ZNF227: variants seen among roughly 807,000 people sequenced by gnomAD.
The protein encoded by ZNF227 is zinc finger protein 227.
In ZNF227, 12 loss-of-function variants were observed where a neutral mutation model predicts 13.2. The observed-to-expected ratio is 0.91, with a 90% CI of 0.58 to 1.47. ZNF227 has a LOEUF of 1.47. Among genes scored for constraint, ZNF227 ranks in the 40% most tolerant of loss-of-function variants. ZNF227 has a pLI of 0.00. For missense variants in ZNF227, 885 were observed against 967.5 expected (o/e 0.91, Z 1.13); for synonymous variants, 338 against 326.0 (o/e 1.04, Z -0.40).
upstream of ZNF227, among the ~76,000 whole-genome samples, chr19:44,208,360 C>T (rs998561919): frequency 2.6e-5 from 4 of 152,134 alleles, no homozygotes; most frequent in African/African-American, 9.7e-5. Flanking sequence ...ACTTCTCTTA[C>T]CTCATCTGCT....
Position 44,235,184 on chromosome 19 carries a change from T to C in ZNF227, c.754T>C (p.Cys252Arg), listed in dbSNP as rs778035728. Residue 252 changes from cysteine (C) to arginine (R), a missense_variant, in exon 6 of 6, where the codon TGT becomes CGT. By Grantham distance (180) the Cys-to-Arg change is radical. Transcript: ENST00000313040. Reference protein sequence around the residue: ...KLPLGEKPHPCGECGRGFSYS... With the variant: ...KLPLGEKPHPRGECGRGFSYS... The stretch of plus-strand genomic sequence containing the variant: ...ACCCTTAGGAGAGAAACCCCATCCA[T>C]GTGGTGAGTGTGGAAGGGGCTTCAG... 1.7e-5 allele frequency: 27 copies of C among 1,614,020 alleles called. No individual in the cohort carries two copies. Among genetic ancestry groups the C allele is most frequent in the African/African-American group, 8.0e-5 (6 of 74,930 alleles).
chr19:44,221,642 A>G (rs1461413369), intron 3 of ZNF227, among the ~76,000 whole-genome samples: 3 of 152,010 alleles, frequency 2.0e-5, no homozygotes, highest in Non-Finnish European at 4.4e-5. Context: ...GTTTGAGTTC[A>G]TTGTAGATTC....
chr19:44,233,370 T>G (rs1035705698), intron 5 of ZNF227, among the ~76,000 whole-genome samples: 2 of 152,172 alleles, frequency 1.3e-5, no homozygotes, highest in African/African-American at 4.8e-5. Flanking sequence ...GTTTTTTGTT[T>G]TTTTGTCAGT....
At chr19:44,227,849 G>A (rs1276076650) in intron 3 of ZNF227, among the ~76,000 whole-genome samples, 1 of 152,172 alleles carries the variant, frequency 6.6e-6, no homozygotes, top group Non-Finnish European at 1.5e-5. Context: ...GTAGTAGGTG[G>A]ATGTGACATG....
At chr19:44,225,850 G>C (rs532580288) in intron 3 of ZNF227, among the ~76,000 whole-genome samples, 20 of 152,284 alleles carry the variant, frequency 1.3e-4, no homozygotes, top group African/African-American at 4.6e-4. Flanking sequence ...CTGCTTTTTA[G>C]AGTTTCCAGT....
At chr19:44,225,762 C>G (rs929246989) in intron 3 of ZNF227, among the ~76,000 whole-genome samples, 3 of 152,230 alleles carry the variant, frequency 2.0e-5, no homozygotes, top group African/African-American at 7.2e-5. Flanking sequence ...CTTCTCTCAA[C>G]TCGTCAAAGT....
chr19:44,231,958 T>C (rs1018139765), intron 5 of ZNF227, among the ~76,000 whole-genome samples: 2 of 152,236 alleles, frequency 1.3e-5, no homozygotes, highest in African/African-American at 4.8e-5. Flanking sequence ...AATTTCAAGT[T>C]GGCTTTACTC....
chr19:44,210,115 A>T (rs1971304742), upstream of ZNF227, among the ~76,000 whole-genome samples: 1 of 152,236 alleles, frequency 6.6e-6, no homozygotes, highest in African/African-American at 2.4e-5. Context: ...AAATAAAAGG[A>T]AATAATGTCA....
At chr19:44,229,864 T>TGCAGACTAACC in intron 5 of ZNF227, 48 bp downstream of exon 5, 1 of 1,372,596 alleles carries the variant, frequency 7.3e-7, no homozygotes, top group Non-Finnish European at 9.9e-7. Context: ...AGGTACTGGT[T>TGCAGACTAACC]AGTCTGCATC....
At chr19:44,216,958 G>GTTTTTTTTTTTTTTT (rs35474532) in intron 2 of ZNF227, among the ~76,000 whole-genome samples, 3 of 91,648 alleles carry the variant, frequency 3.3e-5, no homozygotes, top group Non-Finnish European at 4.1e-5. Context: ...TCATCTGCTT[G>GTTTTTTTTTTTTTTT]TTTTTTTTTT....
At position 44,212,864 on chromosome 19, in the gene ZNF227, G is replaced by T. The variant is rs745859720; in HGVS notation, c.-157-226G>T. ...TCGTTACTGTGTAGGGTTGTAATTAGAATTAAACAAGATAATACGGGTCAA... is the reference window on the plus strand; with the variant it reads ...TCGTTACTGTGTAGGGTTGTAATTATAATTAAACAAGATAATACGGGTCAA... On this transcript the variant is annotated intron_variant, in intron 1 of 5. Coordinates refer to ENST00000313040, the MANE Select transcript of ZNF227 (RefSeq NM_182490.3). 112 of 152,270 alleles carry T rather than the reference G, an allele frequency of 7.4e-4. 1 individual carries two copies. Among genetic ancestry groups the T allele is most frequent in the African/African-American group, 2.6e-3 (107 of 41,566 alleles). The allele number at this position is 152,270 out of a possible 1,614,324, so 9.4% of individuals were successfully genotyped here.
chr19:44,233,830 G>C (rs1974117291), intron 5 of ZNF227, among the ~76,000 whole-genome samples: 1 of 152,152 alleles, frequency 6.6e-6, no homozygotes, highest in Admixed American at 6.5e-5. Context: ...AGGAGGTGGA[G>C]GTTGCAGTGA....
At chr19:44,225,047 G>A (rs531326724) in intron 3 of ZNF227, among the ~76,000 whole-genome samples, 2 of 152,034 alleles carry the variant, frequency 1.3e-5, no homozygotes, top group South Asian at 4.2e-4. Context: ...GGCTGGATAT[G>A]AAATTCTGGG....
At chr19:44,229,891 C>G (rs1235200850) in intron 5 of ZNF227, 75 bp downstream of exon 5, 2 of 1,019,518 alleles carry the variant, frequency 2.0e-6, no homozygotes, top group Non-Finnish European at 2.7e-6. Flanking sequence ...TGTCCATGAC[C>G]TCCCTGGTCT....
intron 5 of ZNF227, among the ~76,000 whole-genome samples, chr19:44,230,922 A>ATATAT (rs1555792151): frequency 9.3e-6 from 1 of 107,152 alleles, no homozygotes; most frequent in African/African-American, 6.4e-5. Context: ...AAAAAAAAAA[A>ATATAT]AAAAATATAT....
chr19:44,219,992 C>T (rs1206070331), intron 3 of ZNF227, among the ~76,000 whole-genome samples: 3 of 151,734 alleles, frequency 2.0e-5, no homozygotes, highest in Non-Finnish European at 4.4e-5. Flanking sequence ...CATGTGTTCT[C>T]ATTGTTCAAT....
chr19:44,232,336 A>G (rs929986005), intron 5 of ZNF227, among the ~76,000 whole-genome samples: 4 of 152,164 alleles, frequency 2.6e-5, no homozygotes, highest in Admixed American at 6.5e-5. Flanking sequence ...ACTGCTCTCT[A>G]TATCGCTCTA....
chr19:44,229,321 C>T (rs1381515165), intron 4 of ZNF227, among the ~76,000 whole-genome samples: 3 of 152,108 alleles, frequency 2.0e-5, no homozygotes, highest in African/African-American at 4.8e-5. Flanking sequence ...TAAAATAAAT[C>T]ACTCTAGAGG....
At chr19:44,209,639 T>G (rs1971292925), upstream of ZNF227, among the ~76,000 whole-genome samples, 1 of 152,142 alleles carries the variant, frequency 6.6e-6, no homozygotes, top group African/African-American at 2.4e-5. Flanking sequence ...CAGGCTGGAG[T>G]GCAGTGGCGC....
Sources: gnomAD v4.1 joint callset for allele counts (sites outside exome capture counted in the v4.1 genomes callset) on GRCh38, gnomAD v4.1.1 for gene constraint, MANE v1.5 for transcripts, NCBI Gene and HGNC (gene_info 2026-07-23, HGNC 2026-07-21) for gene names.